The following SLC25A44 variants were observed in gnomAD, a reference collection of about 807,000 sequenced individuals.
The protein encoded by SLC25A44 is solute carrier family 25 member 44.
Under a neutral mutation model 29.9 loss-of-function variants are expected in SLC25A44, and 17 were observed. The ratio of observed to expected loss-of-function variants is 0.57; its 90% CI spans 0.39 to 0.85. SLC25A44 has a LOEUF of 0.85. Ranked by LOEUF, SLC25A44 falls within the 40% of genes least tolerant of loss-of-function variation. The pLI is 0.00. For missense variants in SLC25A44, 302 were observed against 398.4 expected, an observed-to-expected ratio of 0.76 and a Z score of 2.06; for synonymous variants, 140 against 151.8, an observed-to-expected ratio of 0.92 and a Z score of 0.57.
intron 2 of SLC25A44, among the ~76,000 whole-genome samples, chr1:156,207,474 C>T (rs1375718046): frequency 2.6e-5 from 4 of 151,968 alleles, no homozygotes; most frequent in African/African-American, 7.3e-5. Flanking sequence ...CCGCCGCGCC[C>T]GGCACTACAA....
intron 2 of SLC25A44, among the ~76,000 whole-genome samples, chr1:156,206,457 C>G (rs185266205): frequency 5.3e-5 from 8 of 152,228 alleles, no homozygotes; most frequent in Admixed American, 4.6e-4. Context: ...AGGCTAGTCT[C>G]AAATTCCTGA....
At chr1:156,208,416 G>A (rs1657092214) in intron 3 of SLC25A44, among the ~76,000 whole-genome samples, 1 of 152,014 alleles carries the variant, frequency 6.6e-6, no homozygotes, top group South Asian at 2.1e-4. Flanking sequence ...GCATTGAGCC[G>A]AGATCACGCC....
At chr1:156,202,918 C>T (rs1197215356) in intron 2 of SLC25A44, among the ~76,000 whole-genome samples, 3 of 152,164 alleles carry the variant, frequency 2.0e-5, no homozygotes, top group Non-Finnish European at 4.4e-5. Flanking sequence ...ATTGTACCTC[C>T]CAACACCTAG....
At chr1:156,207,864 A>G (rs770992105) in intron 2 of SLC25A44, 22 bp from the exon 3 acceptor site, 8 of 1,613,346 alleles carry the variant, frequency 5.0e-6, no homozygotes, top group Non-Finnish European at 6.8e-6. Context: ...GTCTTTAGCC[A>G]TTGTCTTTCC....
At chr1:156,209,738 A>G (rs1011905781) in intron 3 of SLC25A44, among the ~76,000 whole-genome samples, 8 of 152,260 alleles carry the variant, frequency 5.3e-5, no homozygotes, top group African/African-American at 1.4e-4. Flanking sequence ...GATCAGAATC[A>G]AAATCAGACT....
At chr1:156,209,450 G>A (rs1225656789) in intron 3 of SLC25A44, among the ~76,000 whole-genome samples, 1 of 152,202 alleles carries the variant, frequency 6.6e-6, no homozygotes, top group African/African-American at 2.4e-5. Flanking sequence ...TCTTAGCCAT[G>A]GCTGGGATAC....
At chr1:156,204,766 G>T (rs543843137) in intron 2 of SLC25A44, among the ~76,000 whole-genome samples, 2 of 152,104 alleles carry the variant, frequency 1.3e-5, no homozygotes, top group East Asian at 3.9e-4. Flanking sequence ...GAGCCACCAC[G>T]CCTGGTCCAG....
Position 156,210,867 on chromosome 1 carries a change from C to T in SLC25A44, c.*436C>T, listed in dbSNP as rs1282622544. ...AACCCTCTCTCCCTTCATCTCTTAG[C>T]CTTGCTTATTTTTATTTTGGGACCG... On this transcript the variant is annotated 3_prime_UTR_variant, in exon 4 of 4. Transcript: ENST00000359511. The T allele has an allele frequency of 6.6e-6, 1 of 152,472 alleles. No individual in the cohort carries two copies. The highest frequency in any genetic ancestry group is 1.5e-5 in the Non-Finnish European group (1 of 68,194). The allele number at this position is 152,472 out of a possible 1,614,324, so 9.4% of individuals were successfully genotyped here. A position where few individuals can be genotyped will look rare whatever the true frequency, so the allele number is the denominator to read the frequency against.
At chr1:156,200,545 A>T in intron 2 of SLC25A44, 73 bp downstream of exon 2, 1 of 1,376,226 alleles carries the variant, frequency 7.3e-7, no homozygotes. Context: ...TGCTTTGTGC[A>T]TGTTAGAGTG....
intron 2 of SLC25A44, among the ~76,000 whole-genome samples, chr1:156,204,332 T>G (rs2103044468): frequency 6.6e-6 from 1 of 152,244 alleles, no homozygotes; most frequent in East Asian, 1.9e-4. Context: ...TCTACCACTT[T>G]CTTGCTTGTG....
In SLC25A44 at chr1:156,201,433, C is replaced by T. The variant is rs370870975; in HGVS notation, c.625+961C>T. ...CCTATGTTTGAAGCCTCCCTAATCC[C>T]TGCTGTTGGCTCCCAACCCTTGGTA... On this transcript the variant is annotated intron_variant, in intron 2 of 3. Coordinates refer to ENST00000359511, the MANE Select transcript of SLC25A44 (RefSeq NM_014655.4). 1.1e-4 allele frequency among the ~76,000 whole-genome samples: 17 copies of T among 152,308 alleles called. No homozygotes were observed. In the South Asian group the frequency reaches 3.1e-3, roughly 28 times the overall value.
rs895313459 is a variant in SLC25A44 at position 156,212,687 on chromosome 1, T to C, written c.*2256T>C. On this transcript the variant is annotated 3_prime_UTR_variant, in exon 4 of 4. Transcript: ENST00000359511. ...GGAACAAGGGAATGAAAAGGCAGAC[T>C]CTCTGAACGTTTGATGAAATGGACT... The C allele has an allele frequency of 1.3e-5, 3 of 225,076 alleles. No homozygotes were observed. Among genetic ancestry groups the C allele is most frequent in the Non-Finnish European group, 2.7e-5 (3 of 110,394 alleles). 13.9% of individuals were successfully genotyped at this position (225,076 alleles called of 1,614,324 possible). A position where few individuals can be genotyped will look rare whatever the true frequency, so the allele number is the denominator to read the frequency against.
intron 1 of SLC25A44, chr1:156,196,615 AGCATGCATTTT>A (rs1656227275): frequency 6.6e-6 from 1 of 152,156 alleles, no homozygotes; most frequent in South Asian, 2.1e-4. Context: ...TGCCCTGCAG[AGCATGCATTTT>A]GCATGTGCCT....
chr1:156,195,972 C>T (rs1656188368), intron 1 of SLC25A44, among the ~76,000 whole-genome samples: 1 of 152,242 alleles, frequency 6.6e-6, no homozygotes, highest in Non-Finnish European at 1.5e-5. Context: ...CACTTGATTA[C>T]TTCAGGACAA....
chr1:156,206,565 C>T (rs1253178063), intron 2 of SLC25A44, among the ~76,000 whole-genome samples: 1 of 152,056 alleles, frequency 6.6e-6, no homozygotes, highest in Non-Finnish European at 1.5e-5. Flanking sequence ...CAGGGTCTTA[C>T]TCTGATGCCC....
chr1:156,207,465 C>T (rs1449504534), intron 2 of SLC25A44, among the ~76,000 whole-genome samples: 4 of 151,318 alleles, frequency 2.6e-5, no homozygotes, highest in South Asian at 4.1e-4. Context: ...AGGCGTGAGC[C>T]GCCGCGCCCG....
Position 156,199,958 on chromosome 1 carries a change from A to G in SLC25A44, c.111A>G (p.Pro37=). The change falls in exon 2 of 4, where the codon CCA becomes CCG. Residue 37 remains proline, a synonymous_variant. Coordinates refer to ENST00000359511, the MANE Select transcript of SLC25A44 (RefSeq NM_014655.4). The stretch of plus-strand genomic sequence containing the variant: ...TGATGATCCGTGTCAGTGTCTACCC[A>G]TTCACCCTCATCCGCACCCGGTTGC... ...MTMMIRVSVY[P]FTLIRTRLQV... 1.2e-6 allele frequency: 2 copies of G among 1,614,110 alleles called. No individual in the cohort carries two copies. The highest frequency in any genetic ancestry group is 8.5e-7 in the Non-Finnish European group (1 of 1,180,002).
At chr1:156,205,151 C>T (rs1217803925) in intron 2 of SLC25A44, among the ~76,000 whole-genome samples, 2 of 152,068 alleles carry the variant, frequency 1.3e-5, no homozygotes, top group Non-Finnish European at 2.9e-5. Context: ...TCAAGCGATT[C>T]TCCTGCCTCA....
In SLC25A44 at chr1:156,210,260, C is replaced by T; in HGVS notation, c.774C>T (p.Ile258=). The T allele has an allele frequency of 1.9e-6, 3 of 1,560,852 alleles. No homozygotes were observed. Among genetic ancestry groups the T allele is most frequent in the Non-Finnish European group, 2.6e-6 (3 of 1,154,212 alleles). The change falls in exon 4 of 4, where the codon ATC becomes ATT. Residue 258 remains isoleucine, a synonymous_variant. Transcript: ENST00000359511. ...TRVQVEGKNS[I]ILTFRQLMAE... is the part of the protein sequence containing the mutation. ...TCCAGGTTGAGGGCAAGAACTCCAT[C>T]ATCCTGACCTTCAGACAGCTGATGG...
Sources: gnomAD v4.1 joint callset for allele counts (sites outside exome capture counted in the v4.1 genomes callset) on GRCh38, gnomAD v4.1.1 for gene constraint, MANE v1.5 for transcripts, NCBI Gene and HGNC (gene_info 2026-07-23, HGNC 2026-07-21) for gene names.